Variants in POLE4 observed in about 807,000 individuals in gnomAD.
POLE4 encodes the protein DNA polymerase epsilon 4, accessory subunit, also known as DNA polymerase epsilon subunit 4.
A neutral mutation model predicts 15.6 loss-of-function variants in POLE4; 15 were observed. That is an observed-to-expected ratio of 0.96 (90% CI 0.64 to 1.48). The LOEUF is 1.48. Among genes scored for constraint, POLE4 ranks in the 40% most tolerant of loss-of-function variants. The pLI is 0.00. For synonymous variants in POLE4, 83 were observed against 63.2 expected (o/e 1.31, Z -1.49); for missense variants, 205 against 151.9 (o/e 1.35, Z -1.84).
chr2:74,959,086 T>C, intron 1 of POLE4, 194 bp downstream of exon 1: 1 of 617,392 alleles, frequency 1.6e-6, no homozygotes, highest in Non-Finnish European at 2.9e-6. Context: ...GTTGAGGACC[T>C]GGATAGTGAG....
chr2:74,962,998 G>A (rs1465496331), intron 3 of POLE4, among the ~76,000 whole-genome samples: 2 of 152,112 alleles, frequency 1.3e-5, no homozygotes, highest in Middle Eastern at 3.2e-3. Flanking sequence ...TCATTTGTTC[G>A]TGTTCCTTGC....
At chr2:74,960,462 C>A in intron 3 of POLE4, 1 of 469,100 alleles carries the variant, frequency 2.1e-6, no homozygotes, top group Non-Finnish European at 4.0e-6. Flanking sequence ...CTTGCCCCCC[C>A]TCATCATGTT....
Position 74,958,908 on chromosome 2 carries a change from G to T in POLE4, c.213+16G>T. ...ACGAGCCGCGGTGCGCCTGCAGCGC[G>T]AGGGCATGCGGGAGTGGGGGAGGTG... is the stretch of plus-strand genomic sequence containing the variant. On this transcript the variant is annotated intron_variant, in intron 1 of 3. Coordinates refer to ENST00000483063, the MANE Select transcript of POLE4 (RefSeq NM_019896.4). 3 of 1,550,164 alleles carry T rather than the reference G, an allele frequency of 1.9e-6. No individual in the cohort carries two copies. Among genetic ancestry groups the T allele is most frequent in the Non-Finnish European group, 2.6e-6 (3 of 1,145,980 alleles).
intron 3 of POLE4, among the ~76,000 whole-genome samples, chr2:74,965,050 A>G (rs1017493642): frequency 6.6e-6 from 1 of 150,528 alleles, no homozygotes; most frequent in African/African-American, 2.4e-5. Context: ...ACTGTGTGTG[A>G]GCTTCATACA....
chr2:74,967,030 T>C (rs1671307127), intron 3 of POLE4, among the ~76,000 whole-genome samples: 1 of 152,228 alleles, frequency 6.6e-6, no homozygotes, highest in South Asian at 2.1e-4. Flanking sequence ...ACTTTGATTT[T>C]CTGTGGTTTC....
intron 3 of POLE4, 56 bp downstream of exon 3, chr2:74,960,202 A>G (rs1671195427): frequency 7.1e-7 from 1 of 1,402,624 alleles, no homozygotes; most frequent in Non-Finnish European, 1.0e-6. Context: ...TGTTGATGTG[A>G]AATTCAAAAT....
At chr2:74,962,607 G>T in intron 3 of POLE4, among the ~76,000 whole-genome samples, 1 of 152,018 alleles carries the variant, frequency 6.6e-6, no homozygotes, top group South Asian at 2.1e-4. Flanking sequence ...CTTTTTCTAA[G>T]TCATATGAAA....
intron 2 of POLE4, 180 bp downstream of exon 2, chr2:74,959,605 C>T (rs963478115): frequency 9.0e-6 from 5 of 557,654 alleles, no homozygotes; most frequent in South Asian, 2.3e-5. Flanking sequence ...CTTGGGGTGG[C>T]GGGGCAGTGT....
intron 3 of POLE4, among the ~76,000 whole-genome samples, chr2:74,964,406 T>G (rs954613703): frequency 3.3e-5 from 5 of 152,302 alleles, no homozygotes; most frequent in African/African-American, 1.2e-4. Context: ...TAAATTACTG[T>G]GGGGAAGAAA....
At chr2:74,959,269 C>T (rs1671178540) in intron 1 of POLE4, 72 bp from the exon 2 acceptor site, 1 of 946,730 alleles carries the variant, frequency 1.1e-6, no homozygotes, top group Non-Finnish European at 1.7e-6. Flanking sequence ...CTGCCCCCAC[C>T]CACAAACCGG....
intron 1 of POLE4, 53 bp from the exon 2 acceptor site, chr2:74,959,288 C>T (rs542246456): frequency 1.7e-6 from 2 of 1,203,256 alleles, no homozygotes; most frequent in East Asian, 4.7e-5. Flanking sequence ...GGAGCCCTCA[C>T]CTCCTCAGTG....
intron 3 of POLE4, among the ~76,000 whole-genome samples, chr2:74,968,086 A>G (rs1004177130): frequency 6.6e-6 from 1 of 152,216 alleles, no homozygotes; most frequent in African/African-American, 2.4e-5. Flanking sequence ...CAGAAGTAAC[A>G]TTAGAGGCTG....
At chr2:74,966,882 T>C (rs1329007911) in intron 3 of POLE4, among the ~76,000 whole-genome samples, 3 of 152,246 alleles carry the variant, frequency 2.0e-5, no homozygotes, top group Non-Finnish European at 4.4e-5. Context: ...TGGAAAATTA[T>C]TTTCTTTTAG....
intron 3 of POLE4, 31 bp from the exon 4 acceptor site, chr2:74,969,378 C>T (rs1671338038): frequency 6.2e-7 from 1 of 1,611,620 alleles, no homozygotes; most frequent in South Asian, 1.1e-5. Context: ...CTGAGGTCCC[C>T]TGATATACTC....
intron 3 of POLE4, 72 bp from the exon 4 acceptor site, chr2:74,969,337 G>A (rs1225856971): frequency 7.0e-7 from 1 of 1,427,802 alleles, no homozygotes; most frequent in East Asian, 2.3e-5. Flanking sequence ...TCTGCATTAA[G>A]TTTGCCCAGC....
At chr2:74,965,186 T>C (rs1304232208) in intron 3 of POLE4, among the ~76,000 whole-genome samples, 1 of 151,604 alleles carries the variant, frequency 6.6e-6, no homozygotes, top group Non-Finnish European at 1.5e-5. Context: ...CTCTGCCTCC[T>C]GGGTTCAAGT....
At position 74,969,460 on chromosome 2, in the gene POLE4, G is replaced by A. The variant is rs201110291; in HGVS notation, c.*38G>A. The A allele has an allele frequency of 1.9e-6, 3 of 1,606,028 alleles. No individual in the cohort carries two copies. Among genetic ancestry groups the A allele is most frequent in the Non-Finnish European group, 1.7e-6 (2 of 1,172,696 alleles). On this transcript the variant is annotated 3_prime_UTR_variant, in exon 4 of 4. Transcript: ENST00000483063. ...GCAGTTTTGTGAGCCTTCATCTGAA[G>A]CCTTCAGTTCACCCCTCTGCACAGG...
At chr2:74,960,510 C>T (rs1016832448) in intron 3 of POLE4, 4 of 475,018 alleles carry the variant, frequency 8.4e-6, no homozygotes, top group Admixed American at 2.4e-5. Flanking sequence ...AAAGGGTCAC[C>T]GCTTGTTCTT....
At position 74,959,329 on chromosome 2, in the gene POLE4, T is replaced by G. The variant is rs754425168; in HGVS notation, c.214-12T>G. ...GAACCCATTACTAAAACTTTGCTTT[T>G]TTACTTCACAGGAACTGTTTGTGGA... On this transcript the variant is annotated splice_polypyrimidine_tract_variant and intron_variant, in intron 1 of 3. Transcript: ENST00000483063. 6.2e-7 allele frequency: 1 copy of G among 1,607,268 alleles called. No individual in the cohort carries two copies. The highest frequency in any genetic ancestry group is 1.3e-5 in the African/African-American group (1 of 74,764).
Sources: allele counts gnomAD v4.1 joint callset (sites outside exome capture counted in the v4.1 genomes callset), GRCh38; gene constraint gnomAD v4.1.1; transcripts MANE v1.5; gene names NCBI Gene and HGNC (gene_info 2026-07-23, HGNC 2026-07-21).